Variants in FSTL4 observed in about 807,000 individuals in gnomAD.
FSTL4 encodes the protein follistatin like 4.
In FSTL4, 28 loss-of-function variants were observed where a neutral mutation model predicts 78.2. That is an observed-to-expected ratio of 0.36 (90% CI 0.27 to 0.49). The LOEUF is 0.49. Ranked by LOEUF, FSTL4 falls within the 20% of genes least tolerant of loss-of-function variation. The pLI, the probability that FSTL4 is intolerant of heterozygous loss-of-function variation, is 0.98. For synonymous variants in FSTL4, 422 were observed against 440.5 expected (o/e 0.96, Z 0.53); for missense variants, 922 against 1,084.9 (o/e 0.85, Z 2.11).
At chr5:133,251,898 C>G (rs796333395) in intron 6 of FSTL4, among the ~76,000 whole-genome samples, 1 of 152,144 alleles carries the variant, frequency 6.6e-6, no homozygotes, top group South Asian at 2.1e-4. Flanking sequence ...AATATCCTGA[C>G]CCGCGAGTAC....
At chr5:133,312,465 T>C (rs1753808393) in intron 6 of FSTL4, 189 bp downstream of exon 6, 1 of 606,394 alleles carries the variant, frequency 1.6e-6, no homozygotes, top group Non-Finnish European at 2.9e-6. Flanking sequence ...AAGCCCTCTC[T>C]GGCCCCATCC....
At chr5:133,760,233 T>C in the FSTL4 span, among the ~76,000 whole-genome samples, 1 of 152,274 alleles carries the variant, frequency 6.6e-6, no homozygotes, top group South Asian at 2.1e-4. Flanking sequence ...GAGTGGTGAA[T>C]GGAAGCCACA....
At chr5:133,794,954 C>T in the FSTL4 span, among the ~76,000 whole-genome samples, 13,839 of 152,224 alleles carry the variant, frequency 0.091, 732 homozygotes, top group East Asian at 0.18. Context: ...CCCTCTAAGC[C>T]TGGGGGGTTT....
At chr5:133,802,135 C>T in the FSTL4 span, among the ~76,000 whole-genome samples, 1 of 152,254 alleles carries the variant, frequency 6.6e-6, no homozygotes, top group Non-Finnish European at 1.5e-5. Flanking sequence ...GGGTTGAACA[C>T]TTGACTTCCC....
the FSTL4 span, among the ~76,000 whole-genome samples, chr5:133,772,885 T>C: frequency 6.6e-6 from 1 of 152,156 alleles, no homozygotes; most frequent in Non-Finnish European, 1.5e-5. Flanking sequence ...ACGAATGTCA[T>C]AATTTCTTTG....
intron 3 of FSTL4, among the ~76,000 whole-genome samples, chr5:133,408,566 CG>C (rs1324926872): frequency 1.2e-4 from 2 of 16,036 alleles, no homozygotes; most frequent in African/African-American, 8.4e-4. Flanking sequence ...TTCACTGAGG[CG>C]GGGGTGGAGC....
chr5:133,834,891 G>A, the FSTL4 span, among the ~76,000 whole-genome samples: 1 of 151,838 alleles, frequency 6.6e-6, no homozygotes, highest in Non-Finnish European at 1.5e-5. Context: ...TATGAAAAAT[G>A]CATAAAAATT....
chr5:133,766,887 G>A, the FSTL4 span, among the ~76,000 whole-genome samples: 7 of 152,202 alleles, frequency 4.6e-5, no homozygotes, highest in Non-Finnish European at 8.8e-5. Flanking sequence ...TCCCACATGA[G>A]GCCACCTTTC....
chr5:133,468,260 C>T (rs916973188), intron 3 of FSTL4, among the ~76,000 whole-genome samples: 1 of 152,242 alleles, frequency 6.6e-6, no homozygotes, highest in Non-Finnish European at 1.5e-5. Flanking sequence ...TGTCTTAGTG[C>T]CCTGTGGGTG....
At chr5:133,835,177 T>A in the FSTL4 span, among the ~76,000 whole-genome samples, 1 of 152,180 alleles carries the variant, frequency 6.6e-6, no homozygotes, top group Non-Finnish European at 1.5e-5. Context: ...ACTGCATGGA[T>A]GAACAGGCTG....
At chr5:133,827,743 G>C in the FSTL4 span, among the ~76,000 whole-genome samples, 3 of 151,494 alleles carry the variant, frequency 2.0e-5, no homozygotes, top group Non-Finnish European at 4.4e-5. Flanking sequence ...TGCACACAAG[G>C]CTGGTCACAC....
the FSTL4 span, among the ~76,000 whole-genome samples, chr5:133,703,707 T>C: frequency 6.6e-6 from 1 of 152,092 alleles, no homozygotes; most frequent in Non-Finnish European, 1.5e-5. Flanking sequence ...TAGAAACAGA[T>C]AATGAGACGA....
chr5:133,269,654 A>G (rs1265049862), intron 6 of FSTL4, among the ~76,000 whole-genome samples: 2 of 152,138 alleles, frequency 1.3e-5, no homozygotes, highest in African/African-American at 4.8e-5. Context: ...AGCCCTCACT[A>G]GAGATGGTCC....
chr5:133,300,696 A>G (rs569200075), intron 6 of FSTL4, among the ~76,000 whole-genome samples: 2 of 152,282 alleles, frequency 1.3e-5, no homozygotes, highest in South Asian at 4.1e-4. Flanking sequence ...GCATCAGCAC[A>G]TTTCCAAGCA....
chr5:133,240,463 G>A (rs1289431421), intron 7 of FSTL4, among the ~76,000 whole-genome samples: 1 of 152,176 alleles, frequency 6.6e-6, no homozygotes, highest in African/African-American at 2.4e-5. Context: ...TGAGCAACCT[G>A]GAGTGGGCCT....
chr5:133,681,752 T>C, the FSTL4 span, among the ~76,000 whole-genome samples: 4 of 152,172 alleles, frequency 2.6e-5, no homozygotes, highest in South Asian at 8.3e-4. Context: ...GATGGGAAAG[T>C]AGAAATGACC....
chr5:133,763,693 C>T, the FSTL4 span, among the ~76,000 whole-genome samples: 3 of 152,190 alleles, frequency 2.0e-5, no homozygotes, highest in African/African-American at 7.2e-5. Flanking sequence ...CCACCTCCCC[C>T]AACCAACCCT....
chr5:133,432,954 T>A (rs1460791312), intron 3 of FSTL4, among the ~76,000 whole-genome samples: 1 of 152,244 alleles, frequency 6.6e-6, no homozygotes, highest in Non-Finnish European at 1.5e-5. Flanking sequence ...GCCCAGATCT[T>A]TTAAGCAGTA....
the FSTL4 span, among the ~76,000 whole-genome samples, chr5:133,701,683 A>G: frequency 6.6e-6 from 1 of 152,198 alleles, no homozygotes; most frequent in Non-Finnish European, 1.5e-5. Flanking sequence ...TTTCAGATCA[A>G]AGTAGCAGCA....
Sources: allele counts gnomAD v4.1 joint callset (sites outside exome capture counted in the v4.1 genomes callset), GRCh38; gene constraint gnomAD v4.1.1; transcripts MANE v1.5; gene names NCBI Gene and HGNC (gene_info 2026-07-23, HGNC 2026-07-21).